TUBGCP3: variants seen among roughly 807,000 people sequenced by gnomAD.
The protein encoded by TUBGCP3 is gamma-tubulin complex component 3.
Under a neutral mutation model 123.1 loss-of-function variants are expected in TUBGCP3, and 50 were observed. The observed-to-expected ratio is 0.41, with a 90% CI of 0.32 to 0.51. TUBGCP3 has a LOEUF of 0.51. Ranked by LOEUF, TUBGCP3 falls within the 20% of genes least tolerant of loss-of-function variation. TUBGCP3 has a pLI of 0.36. For missense variants in TUBGCP3, 882 were observed against 1,127.0 expected, an observed-to-expected ratio of 0.78 and a Z score of 3.11; for synonymous variants, 405 against 413.9, an observed-to-expected ratio of 0.98 and a Z score of 0.26.
chr13:112,542,736 G>A (rs1878626562), intron 11 of TUBGCP3, among the ~76,000 whole-genome samples: 2 of 152,116 alleles, frequency 1.3e-5, no homozygotes, highest in South Asian at 4.1e-4. Flanking sequence ...ACAATGATGG[G>A]TACACAATAG....
chr13:112,545,986 C>T lies in TUBGCP3; in HGVS notation c.1169-121G>A, dbSNP rs909855063. ...GAGATAAAGAGCATTTGTTTTCTTA[C>T]AGTTAATACCACTTTGGACCTAGAA... On this transcript the variant is annotated intron_variant, in intron 10 of 21. Transcript: ENST00000261965. The surrounding 1 kb of genome is among the most constrained non-coding windows in gnomAD (Gnocchi z 4.1). The T allele has an allele frequency of 1.1e-5, 12 of 1,089,110 alleles. No homozygotes were observed. The highest frequency in any genetic ancestry group is 1.6e-5 in the Non-Finnish European group (12 of 764,810). 67.5% of individuals were successfully genotyped at this position (1,089,110 alleles called of 1,614,324 possible). A position where few individuals can be genotyped will look rare whatever the true frequency, so the allele number is the denominator to read the frequency against.
At chr13:112,525,926 C>T (rs1877019569) in intron 13 of TUBGCP3, among the ~76,000 whole-genome samples, 2 of 152,112 alleles carry the variant, frequency 1.3e-5, no homozygotes, top group Non-Finnish European at 2.9e-5. Context: ...TTACACAGTA[C>T]TATATATATA....
intron 8 of TUBGCP3, among the ~76,000 whole-genome samples, chr13:112,549,725 C>T (rs941306091): frequency 2.0e-5 from 3 of 152,024 alleles, no homozygotes; most frequent in Admixed American, 6.5e-5. Flanking sequence ...TGCAGTGGCT[C>T]ACGCCTGTAA....
At chr13:112,501,639 ATTGTT>A (rs1194934787) in intron 19 of TUBGCP3, among the ~76,000 whole-genome samples, 2 of 152,208 alleles carry the variant, frequency 1.3e-5, no homozygotes, top group Non-Finnish European at 2.9e-5. Context: ...TCAATAATAG[ATTGTT>A]TTAATCTGCT....
chr13:112,539,378 A>G (rs370398734), intron 11 of TUBGCP3, among the ~76,000 whole-genome samples: 7 of 152,352 alleles, frequency 4.6e-5, no homozygotes, highest in African/African-American at 1.7e-4. Context: ...CAGATGAGTT[A>G]CAATGAGATA....
chr13:112,556,241 G>A lies in TUBGCP3; in HGVS notation c.549-17C>T, dbSNP rs777665060. On this transcript the variant is annotated splice_polypyrimidine_tract_variant and intron_variant, in intron 5 of 21. Transcript: ENST00000261965. ...TTAGACTGTCTAAAAAAAGAAACAT[G>A]TATTATCTTCTAATAGGCTATTCGC... 101 of 1,607,900 alleles carry A rather than the reference G, an allele frequency of 6.3e-5. No individual in the cohort carries two copies. Among genetic ancestry groups the A allele is most frequent in the South Asian group, 1.1e-5 (1 of 90,912 alleles).
intron 3 of TUBGCP3, among the ~76,000 whole-genome samples, chr13:112,561,173 G>A (rs1016246888): frequency 6.6e-6 from 1 of 152,196 alleles, no homozygotes; most frequent in Non-Finnish European, 1.5e-5. Flanking sequence ...GAGGAAGACC[G>A]CTGTTATCTG....
At chr13:112,532,049 C>T (rs1204744054) in intron 11 of TUBGCP3, among the ~76,000 whole-genome samples, 1 of 152,146 alleles carries the variant, frequency 6.6e-6, no homozygotes, top group Non-Finnish European at 1.5e-5. Flanking sequence ...TTCTGAGAAT[C>T]AGATCCATTA....
chr13:112,589,105 C>T (rs1298731758), upstream of TUBGCP3, among the ~76,000 whole-genome samples: 4 of 152,244 alleles, frequency 2.6e-5, no homozygotes, highest in East Asian at 7.7e-4. Context: ...AGCAACCAAA[C>T]CACCAAGGAT....
intron 1 of TUBGCP3, among the ~76,000 whole-genome samples, chr13:112,584,766 A>G (rs1361611814): frequency 6.6e-6 from 1 of 152,244 alleles, no homozygotes; most frequent in Non-Finnish European, 1.5e-5. Context: ...AGTAGCTATG[A>G]AAAGAAGTGT....
rs894426583 is a variant in TUBGCP3, at chr13:112,560,249, T to C, written c.253-850A>G. On this transcript the variant is annotated intron_variant, in intron 3 of 21. Coordinates refer to ENST00000261965, the MANE Select transcript of TUBGCP3 (RefSeq NM_006322.6). ...ATCGAGACCATCCCGGCTAAAACGGTGAAACCCCGTCTCTACTAAAAATAC... is the reference window on the plus strand; with the variant it reads ...ATCGAGACCATCCCGGCTAAAACGGCGAAACCCCGTCTCTACTAAAAATAC... Among the ~76,000 whole-genome samples, 30 of 149,610 alleles carry C rather than the reference T, an allele frequency of 2.0e-4. No individual in the cohort carries two copies. The East Asian group carries it at 3.6e-3, about 18-fold the overall frequency.
At chr13:112,517,282 C>A (rs575221753) in intron 16 of TUBGCP3, among the ~76,000 whole-genome samples, 51 of 152,186 alleles carry the variant, frequency 3.4e-4, no homozygotes, top group African/African-American at 1.2e-3. Flanking sequence ...TTAAATAAAT[C>A]TATGATATAA....
In TUBGCP3 at chr13:112,544,452, C is replaced by CAAAAA. The variant is rs1210946326; in HGVS notation, c.1335+1242_1335+1246dup. 8.7e-4 allele frequency: 43 copies of CAAAAA among 49,182 alleles called. No homozygotes were observed. In the South Asian group the frequency reaches 0.013, roughly 15 times the overall value. The allele number at this position is 49,182 out of a possible 1,614,324, so 3.0% of individuals were successfully genotyped here. ...TGGGCAAAAGAGCGAGACTCTGTCT[C>CAAAAA]AAAAAAAAAAAAAAAAAAAAAAAAA... On this transcript the variant is annotated intron_variant, in intron 11 of 21. Transcript: ENST00000261965.
chr13:112,529,911 C>T (rs1406576575), intron 11 of TUBGCP3, among the ~76,000 whole-genome samples: 1 of 152,112 alleles, frequency 6.6e-6, no homozygotes. Flanking sequence ...CATAGCAATA[C>T]AAAATTAACG....
At chr13:112,578,663 C>G (rs920287909) in intron 1 of TUBGCP3, among the ~76,000 whole-genome samples, 1 of 150,518 alleles carries the variant, frequency 6.6e-6, no homozygotes, top group South Asian at 2.1e-4. Flanking sequence ...CTTAATGCAA[C>G]GCGACCTTTC....
chr13:112,559,326 C>G lies in TUBGCP3; in HGVS notation c.326G>C (p.Ser109Thr). ...TGCAAAGGCAAAGCCACTTACCTTG[C>G]TTGGCTGCCTGCGTGGGTCCTCACT... ...SLSEDPRRQPSKVSSYATLFA... is the reference protein window; with the variant it reads ...SLSEDPRRQPTKVSSYATLFA... The change falls in exon 4 of 22, where the codon AGC becomes ACC. Residue 109 changes from serine (S) to threonine (T), a missense_variant. Physicochemically the swap from Ser to Thr is moderately conservative, Grantham distance 58. Coordinates refer to ENST00000261965, the MANE Select transcript of TUBGCP3 (RefSeq NM_006322.6). The G allele has an allele frequency of 6.2e-7, 1 of 1,611,634 alleles. No homozygotes were observed. The highest frequency in any genetic ancestry group is 8.5e-7 in the Non-Finnish European group (1 of 1,178,842).
rs1419585502 is a variant in TUBGCP3, at chr13:112,545,762, A to G, written c.1272T>C (p.His424=). The G allele has an allele frequency of 1.9e-6, 3 of 1,614,178 alleles. No homozygotes were observed. The highest frequency in any genetic ancestry group is 2.5e-6 in the Non-Finnish European group (3 of 1,180,032). Residue 424 remains histidine, a synonymous_variant, in exon 11 of 22, where the codon CAT becomes CAC. Transcript: ENST00000261965. This position sits in a 1 kb window ranked among gnomAD's most constrained non-coding sequence, Gnocchi z 4.1. The part of the protein sequence containing the change: ...LVQHILSLVS[H]PVLSFLYRWI... Reference sequence around the variant, plus strand: ...AGCGGTACAGGAAGCTCAAAACAGGATGAGACACGAGGCTGAGGATGTGCT... The same window carrying G: ...AGCGGTACAGGAAGCTCAAAACAGGGTGAGACACGAGGCTGAGGATGTGCT...
At chr13:112,547,492 C>T (rs956161575) in intron 10 of TUBGCP3, 128 bp downstream of exon 10, 15 of 1,323,916 alleles carry the variant, frequency 1.1e-5, no homozygotes, top group Non-Finnish European at 1.5e-5. Flanking sequence ...TGAAACAAAG[C>T]GAGTGCCAGA....
intron 10 of TUBGCP3, 70 bp downstream of exon 10, chr13:112,547,550 C>G (rs762179923): frequency 1.4e-4 from 106 of 784,774 alleles, no homozygotes; most frequent in Non-Finnish European, 1.6e-4. Context: ...GGGAAAGTCG[C>G]GCGTGGGAAA....
Sources: allele counts gnomAD v4.1 joint callset (sites outside exome capture counted in the v4.1 genomes callset), GRCh38; gene constraint gnomAD v4.1.1; non-coding constraint Gnocchi (gnomAD v3.1); transcripts MANE v1.5; gene names NCBI Gene and HGNC (gene_info 2026-07-23, HGNC 2026-07-21).